The following STK38 variants were observed in gnomAD, a reference collection of about 807,000 sequenced individuals.
STK38 encodes serine/threonine-protein kinase 38.
In STK38, 26 loss-of-function variants were observed where a neutral mutation model predicts 59.0. The observed-to-expected ratio is 0.44, with a 90% CI of 0.32 to 0.61. The LOEUF (loss-of-function observed/expected upper bound fraction) is 0.61, where lower values mean the gene tolerates loss of function less well. STK38 is among the 20% of genes least tolerant of loss of function. STK38 has a pLI of 0.04. For missense variants in STK38, 433 were observed against 566.0 expected, an observed-to-expected ratio of 0.76 and a Z score of 2.38; for synonymous variants, 175 against 176.6, an observed-to-expected ratio of 0.99 and a Z score of 0.07.
At chr6:36,517,623 A>C (rs1017723698) in intron 6 of STK38, 94 bp downstream of exon 6, 8 of 1,502,360 alleles carry the variant, frequency 5.3e-6, no homozygotes, top group Non-Finnish European at 5.4e-6. Context: ...CTTTGTGAGC[A>C]CATTTAAAAG....
chr6:36,497,447 A>G (rs928888042), intron 12 of STK38, among the ~76,000 whole-genome samples: 16 of 152,092 alleles, frequency 1.1e-4, no homozygotes, highest in South Asian at 2.1e-4. Context: ...GATACCTTCC[A>G]CCCTGTGGGC....
At chr6:36,534,546 G>A (rs1390595446) in intron 2 of STK38, among the ~76,000 whole-genome samples, 1 of 151,956 alleles carries the variant, frequency 6.6e-6, no homozygotes, top group Non-Finnish European at 1.5e-5. Flanking sequence ...CCAGCTACTC[G>A]TAAGGCTGAG....
chr6:36,527,353 G>GTA (rs1359065140), intron 2 of STK38, among the ~76,000 whole-genome samples: 4 of 140,910 alleles, frequency 2.8e-5, no homozygotes, highest in East Asian at 2.0e-4. Flanking sequence ...TGTAATATAT[G>GTA]TATATATATT....
Position 36,495,433 on chromosome 6 carries a change from C to A in STK38, c.*351G>T. 4.5e-6 allele frequency: 1 copy of A among 220,820 alleles called. No individual in the cohort carries two copies. Among genetic ancestry groups the A allele is most frequent in the Non-Finnish European group, 9.1e-6 (1 of 109,682 alleles). The allele number at this position is 220,820 out of a possible 1,614,324, so 13.7% of individuals were successfully genotyped here. ...ACAGGAACTGGCTGATATTCGATGA[C>A]TATACACGACAATCTCAATAATGTT... On this transcript the variant is annotated 3_prime_UTR_variant, in exon 14 of 14. Coordinates refer to ENST00000229812, the MANE Select transcript of STK38 (RefSeq NM_007271.4).
At position 36,547,478 on chromosome 6, in the gene STK38, A is replaced by C. The variant is rs1430487153; in HGVS notation, c.-294T>G. ...CGGCAGCCCGGGGCCGAGACTACGC[A>C]TGCGCGACTTCCCGGAGCGGCCGGG... is the stretch of plus-strand genomic sequence containing the variant. On this transcript the variant is annotated 5_prime_UTR_variant, in exon 1 of 14. An upstream start codon of the reference 5' UTR is lost. Coordinates refer to ENST00000229812, the MANE Select transcript of STK38 (RefSeq NM_007271.4). 1 of 152,230 alleles carries C rather than the reference A, an allele frequency of 6.6e-6. No individual in the cohort carries two copies. The highest frequency in any genetic ancestry group is 2.4e-5 in the African/African-American group (1 of 41,448). 9.4% of individuals were successfully genotyped at this position (152,230 alleles called of 1,614,324 possible). A position where few individuals can be genotyped will look rare whatever the true frequency, so the allele number is the denominator to read the frequency against.
chr6:36,505,191 A>G lies in STK38; in HGVS notation c.834+1392T>C, dbSNP rs1003102882. Among the ~76,000 whole-genome samples the G allele has an allele frequency of 9.9e-5, 15 of 152,212 alleles. 1 individual carries two copies. The highest frequency in any genetic ancestry group is 3.4e-4 in the African/African-American group (14 of 41,464). ...CATCAACATGTTCTGAAGTTCCCCAAGTGATTTTGTTGTGCAACCAAGGTT... is the reference window on the plus strand; with the variant it reads ...CATCAACATGTTCTGAAGTTCCCCAGGTGATTTTGTTGTGCAACCAAGGTT... On this transcript the variant is annotated intron_variant, in intron 9 of 13. Transcript: ENST00000229812.
chr6:36,513,923 A>C (rs1777178691), intron 7 of STK38, among the ~76,000 whole-genome samples: 1 of 150,698 alleles, frequency 6.6e-6, no homozygotes, highest in African/African-American at 2.4e-5. Flanking sequence ...TGGGAGGCCA[A>C]GGCGGGCAGA....
At chr6:36,528,069 A>G (rs1035584103) in intron 2 of STK38, among the ~76,000 whole-genome samples, 2 of 151,910 alleles carry the variant, frequency 1.3e-5, no homozygotes, top group Admixed American at 6.6e-5. Flanking sequence ...AGATCGCACC[A>G]CTGCACTCTA....
intron 9 of STK38, among the ~76,000 whole-genome samples, chr6:36,505,468 C>T (rs1776942021): frequency 6.6e-6 from 1 of 152,160 alleles, no homozygotes; most frequent in African/African-American, 2.4e-5. Flanking sequence ...GAATGCAAGG[C>T]TTTCCTTTGA....
chr6:36,539,900 A>T (rs1041135724), intron 2 of STK38, among the ~76,000 whole-genome samples, 172 bp downstream of exon 2: 2 of 152,038 alleles, frequency 1.3e-5, no homozygotes. Flanking sequence ...ACTTGTAGGC[A>T]TAAGTGGGTT....
rs1280462923 is a variant in STK38, at chr6:36,497,703, T to C, written c.1172+77A>G. ...TCTCTTCCCTTACTTGGCTTGCCAA[T>C]GATGGTCCTTCCAAATTATTATTAA... On this transcript the variant is annotated intron_variant, in intron 12 of 13. Coordinates refer to ENST00000229812, the MANE Select transcript of STK38 (RefSeq NM_007271.4). The C allele has an allele frequency of 4.1e-6, 5 of 1,217,830 alleles. No individual in the cohort carries two copies. In the African/African-American group the frequency reaches 7.6e-5, roughly 19 times the overall value. 75.4% of individuals were successfully genotyped at this position (1,217,830 alleles called of 1,614,324 possible).
At chr6:36,504,937 A>G (rs544331342) in intron 9 of STK38, among the ~76,000 whole-genome samples, 349 of 151,524 alleles carry the variant, frequency 2.3e-3, no homozygotes, top group African/African-American at 8.0e-3. Flanking sequence ...GAAAGAAAAG[A>G]AAGGAAAGAA....
intron 2 of STK38, among the ~76,000 whole-genome samples, chr6:36,536,917 G>A (rs2127489576): frequency 6.6e-6 from 1 of 151,360 alleles, no homozygotes; most frequent in South Asian, 2.1e-4. Context: ...AAAAAAAAAT[G>A]CCAAATTTTA....
At chr6:36,503,427 TAA>T (rs1491550228) in intron 9 of STK38, among the ~76,000 whole-genome samples, 3 of 139,264 alleles carry the variant, frequency 2.2e-5, no homozygotes, top group Non-Finnish European at 4.6e-5. Flanking sequence ...TCCATATAGC[TAA>T]GTGTGTGTGT....
chr6:36,511,608 G>A (rs534868634), intron 7 of STK38, among the ~76,000 whole-genome samples: 110 of 150,890 alleles, frequency 7.3e-4, no homozygotes, highest in Middle Eastern at 6.8e-3. Context: ...CACCCACCTC[G>A]GCCTCCCAAA....
intron 2 of STK38, among the ~76,000 whole-genome samples, chr6:36,530,739 G>A (rs1410617104): frequency 2.8e-5 from 4 of 140,538 alleles, no homozygotes; most frequent in African/African-American, 8.1e-5. Context: ...TACCCAGGCT[G>A]GAGTGCATGG....
intron 1 of STK38, among the ~76,000 whole-genome samples, chr6:36,540,628 C>A (rs895307097): frequency 6.6e-6 from 1 of 151,654 alleles, no homozygotes; most frequent in Non-Finnish European, 1.5e-5. Flanking sequence ...ACAAATATAT[C>A]TTTTTTTTTC....
At chr6:36,532,621 C>T (rs1008493882) in intron 2 of STK38, among the ~76,000 whole-genome samples, 1 of 151,980 alleles carries the variant, frequency 6.6e-6, no homozygotes, top group African/African-American at 2.4e-5. Context: ...ACTAAAAATA[C>T]AAAAATTAGG....
intron 2 of STK38, among the ~76,000 whole-genome samples, chr6:36,528,496 T>C (rs1200975817): frequency 6.6e-6 from 1 of 152,158 alleles, no homozygotes; most frequent in Non-Finnish European, 1.5e-5. Flanking sequence ...TCTAGAGGGA[T>C]ATGATGCCAC....
Sources: gnomAD v4.1 joint callset for allele counts (sites outside exome capture counted in the v4.1 genomes callset) on GRCh38, gnomAD v4.1.1 for gene constraint, MANE v1.5 for transcripts, NCBI Gene and HGNC (gene_info 2026-07-23, HGNC 2026-07-21) for gene names.